PPARGC1B: variants seen among roughly 807,000 people sequenced by gnomAD.
PPARGC1B encodes peroxisome proliferator-activated receptor gamma coactivator 1-beta.
Under a neutral mutation model 101.6 loss-of-function variants are expected in PPARGC1B, and 34 were observed. The observed-to-expected ratio is 0.33, with a 90% CI of 0.25 to 0.45. The LOEUF is 0.45. Among genes scored for constraint, PPARGC1B ranks in the 20% least tolerant of loss-of-function variants. The pLI, the probability that PPARGC1B is intolerant of heterozygous loss-of-function variation, is 1.00. For synonymous variants in PPARGC1B, 548 were observed against 539.3 expected (o/e 1.02, Z -0.22); for missense variants, 1,234 against 1,317.6 (o/e 0.94, Z 0.98).
At chr5:149,823,045 G>A (rs1057443524) in intron 2 of PPARGC1B, among the ~76,000 whole-genome samples, 10 of 152,190 alleles carry the variant, frequency 6.6e-5, no homozygotes, top group African/African-American at 2.4e-4. Flanking sequence ...ACTTCCTCAG[G>A]GACAGGGACG....
intron 1 of PPARGC1B, among the ~76,000 whole-genome samples, chr5:149,807,692 A>G (rs1435941906): frequency 2.0e-5 from 3 of 152,216 alleles, no homozygotes; most frequent in African/African-American, 4.8e-5. Context: ...GAAGAATTTA[A>G]TAACAGTTCC....
chr5:149,733,098 C>CCCT (rs1188751910), intron 1 of PPARGC1B, among the ~76,000 whole-genome samples: 2 of 152,188 alleles, frequency 1.3e-5, no homozygotes, highest in African/African-American at 4.8e-5. Flanking sequence ...CTTTCCCTGA[C>CCCT]CCTCCCCTCC....
At chr5:149,753,509 C>A (rs1755394591) in intron 1 of PPARGC1B, among the ~76,000 whole-genome samples, 2 of 151,938 alleles carry the variant, frequency 1.3e-5, no homozygotes, top group African/African-American at 4.8e-5. Context: ...CTGTGCCTGG[C>A]CTATTTATTT....
At chr5:149,774,029 TGAGCC>T (rs1219468771) in intron 1 of PPARGC1B, among the ~76,000 whole-genome samples, 1 of 152,234 alleles carries the variant, frequency 6.6e-6, no homozygotes, top group Non-Finnish European at 1.5e-5. Flanking sequence ...GGCTCCAGCC[TGAGCC>T]CTCCTGCTTT....
chr5:149,828,465 A>G (rs747164273), intron 3 of PPARGC1B, among the ~76,000 whole-genome samples: 1 of 152,262 alleles, frequency 6.6e-6, no homozygotes, highest in Non-Finnish European at 1.5e-5. Context: ...CACTTAGAAC[A>G]GTGCCTGGCA....
Position 149,836,900 on chromosome 5 carries a change from G to A in PPARGC1B, c.2445G>A (p.Glu815=). Residue 815 remains glutamate, a synonymous_variant, in exon 8 of 12, where the codon GAG becomes GAA. Coordinates refer to ENST00000309241, the MANE Select transcript of PPARGC1B (RefSeq NM_133263.4). Reference sequence around the variant, plus strand: ...AGGAGGAAGAGGAAGAAGGGGAGGAGGAGGAGGAGGACGATGAAGAAGAGG... The same window carrying A: ...AGGAGGAAGAGGAAGAAGGGGAGGAAGAGGAGGAGGACGATGAAGAAGAGG... ...LPEEEEEEGE[E]EEEDDEEEDS... 1 of 1,613,338 alleles carries A rather than the reference G, an allele frequency of 6.2e-7. No homozygotes were observed. Among genetic ancestry groups the A allele is most frequent in the Non-Finnish European group, 8.5e-7 (1 of 1,179,948 alleles).
rs1490205181 is a variant in PPARGC1B at position 149,849,932 on chromosome 5, A to G, written c.*2374A>G. On this transcript the variant is annotated 3_prime_UTR_variant, in exon 12 of 12. Coordinates refer to ENST00000309241, the MANE Select transcript of PPARGC1B (RefSeq NM_133263.4). ...TTTCCTCTTTAGCTATTCACTGCCT[A>G]GCACATAGTAGGCACACAATAAATG... The G allele has an allele frequency of 6.6e-6, 1 of 152,234 alleles. No individual in the cohort carries two copies. Among genetic ancestry groups the G allele is most frequent in the Non-Finnish European group, 1.5e-5 (1 of 68,046 alleles). The allele number at this position is 152,234 out of a possible 1,614,324, so 9.4% of individuals were successfully genotyped here.
intron 8 of PPARGC1B, among the ~76,000 whole-genome samples, chr5:149,839,624 C>G (rs750002884): frequency 6.6e-6 from 1 of 152,100 alleles, no homozygotes; most frequent in Non-Finnish European, 1.5e-5. Context: ...TAAGCAAATC[C>G]CATCTCAAAC....
At chr5:149,801,745 G>C (rs550397303) in intron 1 of PPARGC1B, among the ~76,000 whole-genome samples, 1 of 152,246 alleles carries the variant, frequency 6.6e-6, no homozygotes, top group Admixed American at 6.5e-5. Flanking sequence ...TGCCATTGAC[G>C]TGTGAGTTGG....
At chr5:149,824,004 C>T (rs1758406756) in intron 2 of PPARGC1B, among the ~76,000 whole-genome samples, 1 of 152,086 alleles carries the variant, frequency 6.6e-6, no homozygotes, top group African/African-American at 2.4e-5. Flanking sequence ...CCACGCCCCC[C>T]AAAAATAATG....
At chr5:149,765,212 A>G (rs1025752353) in intron 1 of PPARGC1B, among the ~76,000 whole-genome samples, 2 of 152,248 alleles carry the variant, frequency 1.3e-5, no homozygotes, top group Admixed American at 6.5e-5. Flanking sequence ...CAGGGGAGGG[A>G]ATATGCCTGG....
At chr5:149,743,457 A>G (rs772195898) in intron 1 of PPARGC1B, among the ~76,000 whole-genome samples, 2 of 151,764 alleles carry the variant, frequency 1.3e-5, no homozygotes, top group Admixed American at 6.6e-5. Flanking sequence ...GCCCGGCCCT[A>G]TTTATTCTTT....
At chr5:149,743,512 C>T (rs1363330073) in intron 1 of PPARGC1B, among the ~76,000 whole-genome samples, 2 of 152,140 alleles carry the variant, frequency 1.3e-5, no homozygotes, top group African/African-American at 4.8e-5. Flanking sequence ...GCTCATCAAG[C>T]TGGTTTTCCA....
intron 3 of PPARGC1B, among the ~76,000 whole-genome samples, chr5:149,830,218 C>T (rs986560569): frequency 1.3e-5 from 2 of 151,390 alleles, no homozygotes; most frequent in Non-Finnish European, 2.9e-5. Context: ...TTTTAATTGT[C>T]TGCCCTTTAG....
At chr5:149,816,743 T>C (rs569191101) in intron 1 of PPARGC1B, among the ~76,000 whole-genome samples, 1 of 152,302 alleles carries the variant, frequency 6.6e-6, no homozygotes, top group African/African-American at 2.4e-5. Context: ...CAAGATCTTA[T>C]TGCTGGGGGC....
Position 149,833,334 on chromosome 5 carries a change from C to G in PPARGC1B, c.1261C>G (p.Arg421Gly), listed in dbSNP as rs141717472. 2 of 1,613,256 alleles carry G rather than the reference C, an allele frequency of 1.2e-6. No homozygotes were observed. The highest frequency in any genetic ancestry group is 2.7e-5 in the African/African-American group (2 of 74,902). ...GCGGCTGGAGGTGAAAAGGGAGGTC[C>G]GCCGGCCTGCCAGACTGCAGCAGCA... Reference protein sequence around the residue: ...PLRLEVKREVRRPARLQQQEE... With the variant: ...PLRLEVKREVGRPARLQQQEE... Residue 421 changes from arginine to glycine, a missense_variant, in exon 5 of 12, where the codon CGC becomes GGC. Coordinates refer to ENST00000309241, the MANE Select transcript of PPARGC1B (RefSeq NM_133263.4). This position sits in a 1 kb window ranked among gnomAD's most constrained non-coding sequence, Gnocchi z 4.1.
chr5:149,843,909 T>C (rs1203351142), intron 10 of PPARGC1B, among the ~76,000 whole-genome samples: 1 of 152,220 alleles, frequency 6.6e-6, no homozygotes, highest in Non-Finnish European at 1.5e-5. Context: ...ACAAATACTG[T>C]ATGATTTCAC....
rs1379103293 is a variant in PPARGC1B, at chr5:149,836,888, A to G, written c.2433A>G (p.Glu811=). 2 of 1,613,168 alleles carry G rather than the reference A, an allele frequency of 1.2e-6. No homozygotes were observed. Among genetic ancestry groups the G allele is most frequent in the African/African-American group, 2.7e-5 (2 of 75,046 alleles). The change falls in exon 8 of 12, where the codon GAA becomes GAG. Residue 811 remains glutamate (E), a synonymous_variant. Coordinates refer to ENST00000309241, the MANE Select transcript of PPARGC1B (RefSeq NM_133263.4). ...GCTTCCTCCCAGAGGAGGAAGAGGA[A>G]GAAGGGGAGGAGGAGGAGGAGGACG... The part of the protein sequence containing the change: ...ESSFLPEEEE[E]EGEEEEEDDE...
At chr5:149,843,704 C>A (rs1477510122) in intron 10 of PPARGC1B, among the ~76,000 whole-genome samples, 1 of 152,164 alleles carries the variant, frequency 6.6e-6, no homozygotes, top group Non-Finnish European at 1.5e-5. Flanking sequence ...AAGCTCATAA[C>A]GACATTATTT....
Sources: gnomAD v4.1 joint callset for allele counts (sites outside exome capture counted in the v4.1 genomes callset) on GRCh38, gnomAD v4.1.1 for gene constraint, Gnocchi (gnomAD v3.1) non-coding constraint, MANE v1.5 for transcripts, NCBI Gene and HGNC (gene_info 2026-07-23, HGNC 2026-07-21) for gene names.